SUPT3H: variants seen among roughly 807,000 people sequenced by gnomAD.
The protein encoded by SUPT3H is SPT3 homolog, SAGA and STAGA complex component.
In SUPT3H, 44 loss-of-function variants were observed where a neutral mutation model predicts 44.3. That is an observed-to-expected ratio of 0.99 (90% CI 0.78 to 1.28). The LOEUF (loss-of-function observed/expected upper bound fraction) is 1.28. Ranked by LOEUF, SUPT3H falls within the 50% of genes most tolerant of loss-of-function variation. The pLI is 0.00. For missense variants in SUPT3H, 380 were observed against 387.1 expected (o/e 0.98, Z 0.15); for synonymous variants, 124 against 125.6 (o/e 0.99, Z 0.09).
At chr6:45,127,888 G>A (rs2153582311) in intron 2 of SUPT3H, among the ~76,000 whole-genome samples, 1 of 152,226 alleles carries the variant, frequency 6.6e-6, no homozygotes, top group Admixed American at 6.5e-5. Context: ...AATAAATTCT[G>A]ATAGGTTGTG....
At chr6:45,254,492 T>G (rs1773003178) in intron 2 of SUPT3H, among the ~76,000 whole-genome samples, 1 of 152,104 alleles carries the variant, frequency 6.6e-6, no homozygotes, top group African/African-American at 2.4e-5. Context: ...CACACATTAG[T>G]ATACAGAAAG....
intron 1 of SUPT3H, among the ~76,000 whole-genome samples, chr6:45,376,581 A>AGCCT (rs1796806751): frequency 6.6e-6 from 1 of 152,246 alleles, no homozygotes; most frequent in Non-Finnish European, 1.5e-5. Context: ...TGCTAGTGAA[A>AGCCT]AGTGCAGCCC....
intron 2 of SUPT3H, among the ~76,000 whole-genome samples, chr6:45,336,699 A>AGTATTTTTAATAAAGTATT (rs1237770444): frequency 6.6e-6 from 1 of 151,466 alleles, no homozygotes; most frequent in Non-Finnish European, 1.5e-5. Flanking sequence ...ACTGTAACAC[A>AGTATTTTTAATAAAGTATT]GTATTTTTAA....
chr6:45,361,184 A>G (rs945836133), intron 2 of SUPT3H, among the ~76,000 whole-genome samples: 3 of 152,166 alleles, frequency 2.0e-5, no homozygotes, highest in African/African-American at 7.2e-5. Context: ...ATATATAAGA[A>G]AATTCTGATT....
intron 2 of SUPT3H, among the ~76,000 whole-genome samples, chr6:45,278,418 T>A (rs555893750): frequency 6.6e-6 from 1 of 152,198 alleles, no homozygotes; most frequent in Non-Finnish European, 1.5e-5. Flanking sequence ...CAAAGTTCCA[T>A]CATTATCCTA....
chr6:44,937,933 G>A (rs1444891413), intron 9 of SUPT3H, among the ~76,000 whole-genome samples: 11 of 130,072 alleles, frequency 8.5e-5, no homozygotes, highest in African/African-American at 1.7e-4. Flanking sequence ...TTTTTGAGGC[G>A]GAGTCTCACT....
intron 2 of SUPT3H, among the ~76,000 whole-genome samples, chr6:45,219,013 G>A (rs1316627817): frequency 6.6e-6 from 1 of 151,848 alleles, no homozygotes; most frequent in African/African-American, 2.4e-5. Flanking sequence ...ATAATCCATG[G>A]GTCAAAGAAG....
intron 2 of SUPT3H, among the ~76,000 whole-genome samples, chr6:45,144,133 G>A (rs547546559): frequency 4.9e-4 from 74 of 151,916 alleles, no homozygotes; most frequent in Non-Finnish European, 8.8e-4. Flanking sequence ...AAGAACTGAC[G>A]CCACTTAGTG....
rs780172570 is a variant in SUPT3H, at chr6:44,954,623, AAAC to A, written c.581-19_581-17del. 4.6e-6 allele frequency: 7 copies of A among 1,522,822 alleles called. No homozygotes were observed. Among genetic ancestry groups the A allele is most frequent in the Non-Finnish European group, 5.5e-6 (6 of 1,100,096 alleles). 94.3% of individuals were successfully genotyped at this position (1,522,822 alleles called of 1,614,324 possible). A position where few individuals can be genotyped will look rare whatever the true frequency, so the allele number is the denominator to read the frequency against. ...GCTTTTTTGGCTGGCCATTTAAAAA[AAAC>A]AAGTGCAGAAATTTTAATTTTTAAA... On this transcript the variant is annotated splice_polypyrimidine_tract_variant and intron_variant, in intron 7 of 10. Transcript: ENST00000371459.
intron 2 of SUPT3H, among the ~76,000 whole-genome samples, chr6:45,358,824 A>G (rs566137480): frequency 6.6e-6 from 1 of 152,306 alleles, no homozygotes; most frequent in East Asian, 1.9e-4. Flanking sequence ...TATTCACTCT[A>G]AAAATAAAAA....
intron 10 of SUPT3H, among the ~76,000 whole-genome samples, chr6:44,890,776 A>T (rs546331616): frequency 2.1e-3 from 298 of 142,046 alleles, no homozygotes; most frequent in African/African-American, 5.9e-3. Flanking sequence ...ATAATAAAAA[A>T]AAAAGAAAAT....
chr6:45,165,435 A>G (rs907817603), intron 2 of SUPT3H, among the ~76,000 whole-genome samples: 4 of 152,226 alleles, frequency 2.6e-5, no homozygotes, highest in Admixed American at 1.3e-4. Flanking sequence ...TGTTCATTTA[A>G]AAGCATTATC....
chr6:44,934,544 G>A (rs1004009023), intron 9 of SUPT3H, among the ~76,000 whole-genome samples: 4 of 152,190 alleles, frequency 2.6e-5, no homozygotes, highest in African/African-American at 9.7e-5. Context: ...AAATTTGTAC[G>A]TTGAAATCCA....
At chr6:45,228,979 A>G (rs747059192) in intron 2 of SUPT3H, among the ~76,000 whole-genome samples, 4 of 152,228 alleles carry the variant, frequency 2.6e-5, no homozygotes, top group East Asian at 1.9e-4. Flanking sequence ...CAATAGGATT[A>G]TCAAACTTTT....
intron 3 of SUPT3H, among the ~76,000 whole-genome samples, chr6:45,080,957 A>G (rs998722195): frequency 1.7e-4 from 26 of 152,024 alleles, no homozygotes; most frequent in African/African-American, 6.0e-4. Context: ...CAAATGCTTG[A>G]GGTGATGGAT....
chr6:44,938,820 T>A (rs1174313162), intron 9 of SUPT3H, among the ~76,000 whole-genome samples: 1 of 152,200 alleles, frequency 6.6e-6, no homozygotes, highest in Non-Finnish European at 1.5e-5. Context: ...GATATTTTGT[T>A]ATTTTCTTTG....
At chr6:45,121,388 T>C (rs548035966) in intron 2 of SUPT3H, among the ~76,000 whole-genome samples, 1 of 152,292 alleles carries the variant, frequency 6.6e-6, no homozygotes, top group Admixed American at 6.5e-5. Context: ...TTCAAACAAA[T>C]GTAAACAATT....
At chr6:44,956,502 ATAAAAAAAAAAAAG>A (rs1562131600) in intron 7 of SUPT3H, among the ~76,000 whole-genome samples, 2 of 9,632 alleles carry the variant, frequency 2.1e-4, no homozygotes, top group African/African-American at 8.2e-4. Flanking sequence ...AAAAATAAAA[ATAAAAAAAAAAAAG>A]TGTCTATTAC....
intron 2 of SUPT3H, among the ~76,000 whole-genome samples, chr6:45,179,418 A>C (rs1456545674): frequency 6.6e-6 from 1 of 152,232 alleles, no homozygotes; most frequent in Non-Finnish European, 1.5e-5. Flanking sequence ...GGGCAGAGAC[A>C]CAACCAAATA....
Sources: allele counts gnomAD v4.1 joint callset (sites outside exome capture counted in the v4.1 genomes callset), GRCh38; gene constraint gnomAD v4.1.1; transcripts MANE v1.5; gene names NCBI Gene and HGNC (gene_info 2026-07-23, HGNC 2026-07-21).